Variants in ZNF124 observed in about 807,000 individuals in gnomAD.
ZNF124 encodes zinc finger protein 124, also known as zinc finger protein HZF-16.
ZNF124 carries 25 observed loss-of-function variants against 26.6 expected under a neutral mutation model. The observed-to-expected ratio is 0.94, with a 90% CI of 0.68 to 1.31. ZNF124 has a LOEUF of 1.31. Ranked by LOEUF, ZNF124 falls within the 40% of genes most tolerant of loss-of-function variation. The probability of loss-of-function intolerance (pLI) is 0.00; values close to 1 mark genes in which losing one functional copy is unlikely to be tolerated. For synonymous variants in ZNF124, 129 were observed against 133.3 expected (o/e 0.97, Z 0.22); for missense variants, 444 against 422.2 (o/e 1.05, Z -0.45).
rs1572060786 is a variant in ZNF124, at chr1:247,135,974, A to G, written c.219-12103T>C. Among the ~76,000 whole-genome samples the G allele has an allele frequency of 2.0e-5, 3 of 152,330 alleles. 1 individual carries two copies. Reference sequence around the variant, plus strand: ...AAGTAAAGGCCTTCAATAAAATTCAACATCCTCTCATGTTAAAAACTCTCA... The same window carrying G: ...AAGTAAAGGCCTTCAATAAAATTCAGCATCCTCTCATGTTAAAAACTCTCA... On this transcript the variant is annotated intron_variant, in intron 3 of 3. Coordinates refer to the ZNF124 transcript ENST00000472531.
intron 1 of ZNF124, among the ~76,000 whole-genome samples, chr1:247,161,014 C>A (rs1441248498): frequency 6.6e-6 from 1 of 152,184 alleles, no homozygotes; most frequent in Non-Finnish European, 1.5e-5. Context: ...CTAGATGTCA[C>A]CTCTTACAAA....
chr1:247,133,565 G>T (rs1672416966), intron 3 of ZNF124, among the ~76,000 whole-genome samples: 1 of 151,980 alleles, frequency 6.6e-6, no homozygotes, highest in Non-Finnish European at 1.5e-5. Context: ...CCTACAAAGG[G>T]AAGCCCATCA....
chr1:247,133,804 C>A (rs1378667449), intron 3 of ZNF124, among the ~76,000 whole-genome samples: 1 of 151,922 alleles, frequency 6.6e-6, no homozygotes, highest in Admixed American at 6.6e-5. Context: ...CAGGCATGCA[C>A]CACCATGCCC....
At chr1:247,169,005 T>C (rs547506018) in intron 1 of ZNF124, among the ~76,000 whole-genome samples, 1 of 151,596 alleles carries the variant, frequency 6.6e-6, no homozygotes, top group South Asian at 2.1e-4. Flanking sequence ...ACATTAAAAA[T>C]TTTTTTAATT....
intron 1 of ZNF124, among the ~76,000 whole-genome samples, chr1:247,165,020 G>A (rs1164838230): frequency 1.3e-5 from 2 of 151,776 alleles, no homozygotes; most frequent in African/African-American, 4.8e-5. Context: ...AGGCTGGAGT[G>A]CAGTGGCACA....
intron 3 of ZNF124, among the ~76,000 whole-genome samples, chr1:247,125,099 G>A (rs908299912): frequency 2.6e-5 from 4 of 152,112 alleles, no homozygotes; most frequent in Non-Finnish European, 4.4e-5. Flanking sequence ...CACAGCGCCC[G>A]GCCTTCATTC....
intron 3 of ZNF124, among the ~76,000 whole-genome samples, chr1:247,148,480 A>C (rs1672843029): frequency 6.6e-6 from 1 of 152,240 alleles, no homozygotes; most frequent in Non-Finnish European, 1.5e-5. Context: ...TATTAGAAGA[A>C]GGCATGAGAT....
intron 1 of ZNF124, among the ~76,000 whole-genome samples, chr1:247,166,349 C>T (rs189285335): frequency 4.1e-4 from 62 of 152,242 alleles, no homozygotes; most frequent in African/African-American, 1.5e-3. Flanking sequence ...ACCTAGCAAT[C>T]CCATTTATTG....
downstream of ZNF124, among the ~76,000 whole-genome samples, chr1:247,154,093 G>A (rs1428052339): frequency 6.8e-6 from 1 of 147,984 alleles, no homozygotes; most frequent in Non-Finnish European, 1.5e-5. Flanking sequence ...CAGAGTGGAT[G>A]TCTCCTTGTA....
chr1:247,169,311 G>GATTGGATTGGATTGGATGAC (rs1673960947), intron 1 of ZNF124, among the ~76,000 whole-genome samples: 1 of 152,160 alleles, frequency 6.6e-6, no homozygotes, highest in Non-Finnish European at 1.5e-5. Context: ...CGTACTCAAG[G>GATTGGATTGGATTGGATGAC]ACCAACCTCC....
At chr1:247,126,215 C>G (rs1451591478) in intron 3 of ZNF124, among the ~76,000 whole-genome samples, 1 of 146,002 alleles carries the variant, frequency 6.8e-6, no homozygotes, top group Non-Finnish European at 1.5e-5. Context: ...GTCCCCTAGG[C>G]AAGGCTGGGT....
chr1:247,149,545 T>C (rs1312561438), intron 3 of ZNF124, among the ~76,000 whole-genome samples: 1 of 152,102 alleles, frequency 6.6e-6, no homozygotes, highest in Non-Finnish European at 1.5e-5. Flanking sequence ...TTTGTGAAAA[T>C]ATGAAGCTGG....
intron 3 of ZNF124, among the ~76,000 whole-genome samples, chr1:247,141,110 C>T (rs762143930): frequency 2.2e-4 from 34 of 151,410 alleles, no homozygotes; most frequent in Non-Finnish European, 4.3e-4. Flanking sequence ...CAGCCCAGAA[C>T]GGAGGGTCTG....
downstream of ZNF124, among the ~76,000 whole-genome samples, chr1:247,151,816 TA>T (rs35511689): frequency 0.062 from 8,570 of 137,666 alleles, 370 homozygotes; most frequent in Admixed American, 0.13. Context: ...AATTCAATGC[TA>T]AAAAAAAAAA....
intron 1 of ZNF124, 110 bp from the exon 2 acceptor site, chr1:247,159,923 A>G (rs1673381232): frequency 5.3e-6 from 7 of 1,312,352 alleles, no homozygotes; most frequent in East Asian, 5.9e-5. Flanking sequence ...TTATTCTACT[A>G]TTTGGTCACT....
At chr1:247,145,830 T>C (rs1411382349) in intron 3 of ZNF124, among the ~76,000 whole-genome samples, 1 of 152,034 alleles carries the variant, frequency 6.6e-6, no homozygotes, top group Non-Finnish European at 1.5e-5. Flanking sequence ...GGTTTCACCA[T>C]GTTGGCCAAC....
At chr1:247,150,390 TAC>T (rs746208255), downstream of ZNF124, among the ~76,000 whole-genome samples, 1 of 152,192 alleles carries the variant, frequency 6.6e-6, no homozygotes, top group African/African-American at 2.4e-5. Flanking sequence ...AACAGAATTA[TAC>T]AGTCTTCACA....
At chr1:247,148,867 G>C (rs1463677897) in intron 3 of ZNF124, among the ~76,000 whole-genome samples, 1 of 152,140 alleles carries the variant, frequency 6.6e-6, no homozygotes, top group Non-Finnish European at 1.5e-5. Flanking sequence ...CTACTCTGGA[G>C]GCTGAGGCAG....
downstream of ZNF124, among the ~76,000 whole-genome samples, chr1:247,154,282 G>T (rs761989206): frequency 2.6e-5 from 4 of 152,174 alleles, no homozygotes; most frequent in Non-Finnish European, 5.9e-5. Context: ...AGTCTCATGA[G>T]ATCTGATGGT....
Sources: gnomAD v4.1 joint callset for allele counts (sites outside exome capture counted in the v4.1 genomes callset) on GRCh38, gnomAD v4.1.1 for gene constraint, MANE v1.5 for transcripts, NCBI Gene and HGNC (gene_info 2026-07-23, HGNC 2026-07-21) for gene names.